MED14: variants seen among roughly 807,000 people sequenced by gnomAD.
MED14 encodes mediator of RNA polymerase II transcription subunit 14.
In MED14, 8 loss-of-function variants were observed where a neutral mutation model predicts 109.0. That is an observed-to-expected ratio of 0.07 (90% confidence interval 0.04 to 0.13). MED14 has a LOEUF of 0.13. MED14 is among the 10% of genes least tolerant of loss of function. MED14 has a pLI of 1.00. For missense variants in MED14, 711 were observed against 1,142.4 expected (o/e 0.62, Z 5.44); for synonymous variants, 399 against 408.7 (o/e 0.98, Z 0.29).
rs150538391 is a variant in MED14, at chrX:40,677,430, A to G, written c.2881-2069T>C. On this transcript the variant is annotated intron_variant, in intron 21 of 30. Coordinates refer to ENST00000324817, the MANE Select transcript of MED14 (RefSeq NM_004229.4). The stretch of plus-strand genomic sequence containing the variant: ...CGCTTAACATTTGAGGAAAGACACT[A>G]ATATAAAAGAAATCAATACCACACC... Among the ~76,000 whole-genome samples the G allele has an allele frequency of 8.6e-3, 955 of 111,592 alleles. 7 individuals carry two copies. Among genetic ancestry groups the G allele is most frequent in the African/African-American group, 0.029 (895 of 30,702 alleles).
chrX:40,687,290 G>A (rs1396057886), intron 16 of MED14, among the ~76,000 whole-genome samples: 5 of 111,078 alleles, frequency 4.5e-5, no homozygotes, highest in Non-Finnish European at 7.5e-5. Flanking sequence ...ATCATAACTC[G>A]TGAATATTTT....
chrX:40,679,066 C>T (rs1271858734), intron 21 of MED14, among the ~76,000 whole-genome samples: 3 of 111,780 alleles, frequency 2.7e-5, no homozygotes, highest in Non-Finnish European at 5.6e-5. Flanking sequence ...TGACTCTAGA[C>T]TAAAAACACA....
At chrX:40,671,300 A>C (rs1195649792) in intron 23 of MED14, among the ~76,000 whole-genome samples, 1 of 111,435 alleles carries the variant, frequency 9.0e-6, no homozygotes, top group Non-Finnish European at 1.9e-5. Flanking sequence ...TTAAAAGCAA[A>C]AATTTGGCAT....
chrX:40,665,749 T>C (rs1032585685), intron 24 of MED14, among the ~76,000 whole-genome samples: 10 of 112,337 alleles, frequency 8.9e-5, no homozygotes, highest in African/African-American at 2.3e-4. Flanking sequence ...AGATGAGCAG[T>C]TATATGTTTC....
intron 21 of MED14, among the ~76,000 whole-genome samples, chrX:40,676,274 A>G (rs1218261162): frequency 8.9e-6 from 1 of 111,864 alleles, no homozygotes; most frequent in Non-Finnish European, 1.9e-5. Context: ...ACAGAGTGAG[A>G]CCCTGTCTCA....
intron 2 of MED14, among the ~76,000 whole-genome samples, chrX:40,728,390 C>G (rs1162138039): frequency 1.8e-5 from 2 of 111,418 alleles, no homozygotes; most frequent in African/African-American, 6.5e-5. Context: ...TTAATACTGA[C>G]CAGCCAAACC....
intron 3 of MED14, among the ~76,000 whole-genome samples, chrX:40,719,922 CT>C (rs748899151): frequency 8.9e-6 from 1 of 112,000 alleles, no homozygotes; most frequent in Admixed American, 9.5e-5. Context: ...AACTATGGAT[CT>C]ATACACTCAT....
chrX:40,650,734 A>G lies in MED14; in HGVS notation c.*1072T>C, dbSNP rs1033437517. On this transcript the variant is annotated 3_prime_UTR_variant, in exon 31 of 31. Coordinates refer to ENST00000324817, the MANE Select transcript of MED14 (RefSeq NM_004229.4). ...GGACCAGGTTTCTTCCAAGCAAAACATTCTATCGTTTTGTTGACAATGAAT... is the reference window on the plus strand; with the variant it reads ...GGACCAGGTTTCTTCCAAGCAAAACGTTCTATCGTTTTGTTGACAATGAAT... 1.3e-6 allele frequency: 1 copy of G among 752,213 alleles called. No individual in the cohort carries two copies. The highest frequency in any genetic ancestry group is 1.6e-6 in the Non-Finnish European group (1 of 638,569). 62.0% of individuals were successfully genotyped at this position (752,213 alleles called of 1,213,427 possible). A position where few individuals can be genotyped will look rare whatever the true frequency, so the allele number is the denominator to read the frequency against.
intron 3 of MED14, among the ~76,000 whole-genome samples, chrX:40,720,411 G>C (rs1468716999): frequency 8.9e-6 from 1 of 112,381 alleles, no homozygotes; most frequent in African/African-American, 3.2e-5. Flanking sequence ...CCCTGTCATA[G>C]TGGAGAGCAA....
chrX:40,719,341 C>G (rs1369920378), intron 3 of MED14, among the ~76,000 whole-genome samples: 1 of 112,083 alleles, frequency 8.9e-6, no homozygotes, highest in Non-Finnish European at 1.9e-5. Flanking sequence ...TACATCCCAA[C>G]AGTTGGACAT....
intron 10 of MED14, among the ~76,000 whole-genome samples, chrX:40,704,047 C>T (rs7052024): frequency 0.023 from 2,521 of 111,771 alleles, 76 homozygotes; most frequent in African/African-American, 0.077. Context: ...GCAATTAGAG[C>T]CCATGTGTTT....
At chrX:40,654,708 T>G in intron 29 of MED14, 152 bp from the exon 30 acceptor site, 1 of 698,436 alleles carries the variant, frequency 1.4e-6, no homozygotes, top group South Asian at 2.9e-5. Context: ...AACAACTGAA[T>G]ATTATGGTTA....
intron 10 of MED14, among the ~76,000 whole-genome samples, chrX:40,703,931 T>C (rs1931043480): frequency 1.8e-5 from 2 of 112,506 alleles, no homozygotes; most frequent in African/African-American, 6.5e-5. Context: ...TTAAGGATTT[T>C]CTCTTTTGTA....
At chrX:40,675,135 C>T in intron 22 of MED14, 86 bp downstream of exon 22, 2 of 919,019 alleles carry the variant, frequency 2.2e-6, no homozygotes, top group Non-Finnish European at 2.9e-6. Context: ...CAAGGACCTC[C>T]TTGTCTTTCA....
At chrX:40,735,579 T>C, upstream of MED14, 1 of 537,519 alleles carries the variant, frequency 1.9e-6, no homozygotes, top group African/African-American at 2.3e-5. Flanking sequence ...CGCCCCCATG[T>C]AGCGAGAAGT....
intron 12 of MED14, among the ~76,000 whole-genome samples, 173 bp downstream of exon 12, chrX:40,700,992 G>A (rs1371693961): frequency 8.9e-6 from 1 of 111,761 alleles, no homozygotes; most frequent in Non-Finnish European, 1.9e-5. Flanking sequence ...ATGAGAAACT[G>A]ACATCTTGGA....
At position 40,654,467 on chromosome X, in the gene MED14, G is replaced by C; in HGVS notation, c.4188C>G (p.Thr1396=). 1 of 1,210,922 alleles carries C rather than the reference G, an allele frequency of 8.3e-7. No individual in the cohort carries two copies. The highest frequency in any genetic ancestry group is 1.1e-6 in the Non-Finnish European group (1 of 894,832). The change falls in exon 30 of 31, where the codon ACC becomes ACG. Residue 1396 remains threonine, a synonymous_variant. Transcript: ENST00000324817. ...PIIYDMASGT[T]QQADIPRQQN... ...GCTGTCTGGGAATGTCTGCCTGCTG[G>C]GTTGTACCTGAAGCCATGTCATAAA... is the stretch of plus-strand genomic sequence containing the variant.
chrX:40,729,386 C>CTTCA, intron 1 of MED14, 41 bp from the exon 2 acceptor site: 1 of 1,124,984 alleles, frequency 8.9e-7, no homozygotes, highest in Non-Finnish European at 1.2e-6. Flanking sequence ...ACATGCATAC[C>CTTCA]TTCATTCTAA....
intron 13 of MED14, among the ~76,000 whole-genome samples, chrX:40,695,546 C>T (rs1012969893): frequency 1.8e-5 from 2 of 112,105 alleles, no homozygotes; most frequent in African/African-American, 3.2e-5. Flanking sequence ...GACATTAAAG[C>T]GTGGTTAAAT....
Sources: allele counts gnomAD v4.1 joint callset (sites outside exome capture counted in the v4.1 genomes callset), GRCh38; gene constraint gnomAD v4.1.1; transcripts MANE v1.5; gene names NCBI Gene and HGNC (gene_info 2026-07-23, HGNC 2026-07-21).